The following MTUS2 variants were observed in gnomAD, a reference collection of about 807,000 sequenced individuals.
MTUS2 encodes the protein microtubule-associated tumor suppressor candidate 2.
In MTUS2, 40 loss-of-function variants were observed where a neutral mutation model predicts 114.1. The ratio of observed to expected loss-of-function variants is 0.35; its 90% CI spans 0.27 to 0.46. The LOEUF is 0.46. MTUS2 is among the 20% of genes least tolerant of loss of function. The pLI, the probability that MTUS2 is intolerant of heterozygous loss-of-function variation, is 1.00. For missense variants in MTUS2, 1,679 were observed against 1,705.4 expected (o/e 0.98, Z 0.27); for synonymous variants, 688 against 672.0 (o/e 1.02, Z -0.37).
intron 8 of MTUS2, among the ~76,000 whole-genome samples, chr13:29,388,198 T>C (rs1872762211): frequency 6.6e-6 from 1 of 152,128 alleles, no homozygotes; most frequent in South Asian, 2.1e-4. Context: ...CCAATCCCCA[T>C]GTATTTACCA....
intron 5 of MTUS2, among the ~76,000 whole-genome samples, chr13:29,230,991 A>G (rs1166417458): frequency 6.6e-6 from 1 of 152,178 alleles, no homozygotes; most frequent in Non-Finnish European, 1.5e-5. Context: ...CTTTAATACC[A>G]TAATCTGATT....
chr13:29,342,688 G>A (rs1405594193), intron 7 of MTUS2, among the ~76,000 whole-genome samples: 1 of 152,002 alleles, frequency 6.6e-6, no homozygotes. Flanking sequence ...AGGACTTCTA[G>A]TACTATGTTG....
At chr13:29,114,425 T>C (rs1160101289) in intron 5 of MTUS2, among the ~76,000 whole-genome samples, 3 of 152,196 alleles carry the variant, frequency 2.0e-5, no homozygotes, top group Admixed American at 2.0e-4. Context: ...GCCATATCCA[T>C]CCTCATATGT....
intron 2 of MTUS2, among the ~76,000 whole-genome samples, chr13:29,008,821 T>G (rs1885713426): frequency 6.6e-6 from 1 of 152,164 alleles, no homozygotes; most frequent in African/African-American, 2.4e-5. Context: ...ATTGTAATTT[T>G]TTTTCTAGAC....
At chr13:29,022,692 G>C (rs1020992561) in intron 2 of MTUS2, among the ~76,000 whole-genome samples, 9 of 152,180 alleles carry the variant, frequency 5.9e-5, no homozygotes, top group African/African-American at 2.2e-4. Flanking sequence ...ATTGGTGACG[G>C]GGCAGAACCT....
chr13:29,342,732 G>C (rs1224112302), intron 7 of MTUS2, among the ~76,000 whole-genome samples: 2 of 152,100 alleles, frequency 1.3e-5, no homozygotes, highest in Non-Finnish European at 2.9e-5. Context: ...TCCTTGACTT[G>C]TTCCAGTTCT....
chr13:29,249,960 C>T (rs528175632), intron 5 of MTUS2, among the ~76,000 whole-genome samples: 1 of 152,192 alleles, frequency 6.6e-6, no homozygotes, highest in African/African-American at 2.4e-5. Context: ...AGGACATAGG[C>T]ATGAGCAAAG....
intron 5 of MTUS2, among the ~76,000 whole-genome samples, chr13:29,244,784 G>A (rs1037740055): frequency 1.3e-5 from 2 of 150,586 alleles, no homozygotes; most frequent in Non-Finnish European, 3.0e-5. Flanking sequence ...GTGAAACCCC[G>A]TCTCTACTAA....
At chr13:28,905,690 A>C (rs1879955708) in intron 2 of MTUS2, among the ~76,000 whole-genome samples, 1 of 151,638 alleles carries the variant, frequency 6.6e-6, no homozygotes, top group Non-Finnish European at 1.5e-5. Context: ...ATCAATGTTC[A>C]TCAAGGATAT....
chr13:29,411,235 T>A (rs1173321889), intron 8 of MTUS2, among the ~76,000 whole-genome samples: 1 of 152,210 alleles, frequency 6.6e-6, no homozygotes, highest in Admixed American at 6.5e-5. Flanking sequence ...AGATCCCTTA[T>A]CTATTTGGAG....
intron 4 of MTUS2, among the ~76,000 whole-genome samples, chr13:29,081,180 T>C (rs914854408): frequency 1.3e-5 from 2 of 152,170 alleles, no homozygotes; most frequent in Non-Finnish European, 2.9e-5. Context: ...CAAGGGTTTC[T>C]GTACATAAAC....
At position 29,226,985 on chromosome 13, in the gene MTUS2, C is replaced by T. The variant is rs910812258; in HGVS notation, c.2645-54719C>T. Among the ~76,000 whole-genome samples the T allele has an allele frequency of 3.3e-5, 5 of 152,096 alleles. No homozygotes were observed. The East Asian group carries it at 7.7e-4, about 23-fold the overall frequency. On this transcript the variant is annotated intron_variant, in intron 5 of 15. Transcript: ENST00000612955. ...CTTGAATCTGCATAGGGGCTGGGGG[C>T]GGTGGGTCATGCCTGTAATCCTAGC...
intron 9 of MTUS2, among the ~76,000 whole-genome samples, chr13:29,447,010 C>T (rs1878332665): frequency 3.3e-5 from 5 of 152,130 alleles, no homozygotes. Context: ...TCCAAAACCT[C>T]TTGAGCACCG....
At chr13:29,495,379 A>T (rs1290674575) in intron 12 of MTUS2, among the ~76,000 whole-genome samples, 10 of 148,920 alleles carry the variant, frequency 6.7e-5, no homozygotes, top group Non-Finnish European at 1.0e-4. Flanking sequence ...AAAAAAAAAA[A>T]AGGAAGTAAC....
chr13:28,826,950 A>T (rs977967991), intron 1 of MTUS2, among the ~76,000 whole-genome samples: 2 of 152,242 alleles, frequency 1.3e-5, no homozygotes, highest in South Asian at 2.1e-4. Flanking sequence ...ATCTCAAATC[A>T]TCCTGAATTA....
At chr13:29,248,223 A>G (rs922316073) in intron 5 of MTUS2, among the ~76,000 whole-genome samples, 1 of 151,768 alleles carries the variant, frequency 6.6e-6, no homozygotes, top group Non-Finnish European at 1.5e-5. Context: ...TAAGAATAAT[A>G]TAATGGACTT....
chr13:29,463,599 T>TCA (rs10637215), intron 9 of MTUS2, among the ~76,000 whole-genome samples: 95,897 of 151,778 alleles, frequency 0.63, 31,603 homozygotes, highest in African/African-American at 0.78. Context: ...TTGCCCTAGG[T>TCA]CACAGCCACC....
intron 9 of MTUS2, among the ~76,000 whole-genome samples, chr13:29,468,974 TTA>T (rs1880078198): frequency 6.6e-6 from 1 of 152,206 alleles, no homozygotes; most frequent in African/African-American, 2.4e-5. Context: ...CCTTTCCCTG[TTA>T]GCTTTAACAG....
intron 2 of MTUS2, among the ~76,000 whole-genome samples, chr13:28,859,032 C>T (rs181532933): frequency 3.9e-5 from 6 of 152,262 alleles, no homozygotes; most frequent in Admixed American, 6.5e-5. Context: ...TAGCAGGAGA[C>T]GGCAGGTACT....
Sources: allele counts gnomAD v4.1 joint callset (sites outside exome capture counted in the v4.1 genomes callset), GRCh38; gene constraint gnomAD v4.1.1; transcripts MANE v1.5; gene names NCBI Gene and HGNC (gene_info 2026-07-23, HGNC 2026-07-21).